Variants in NAV2 observed in about 807,000 individuals in gnomAD.
NAV2 encodes helicase, APC down-regulated 1.
A neutral mutation model predicts 223.2 loss-of-function variants in NAV2; 54 were observed. The observed-to-expected ratio is 0.24, with a 90% CI of 0.19 to 0.30. The LOEUF (loss-of-function observed/expected upper bound fraction) is 0.30, where lower values mean the gene tolerates loss of function less well. Among genes scored for constraint, NAV2 ranks in the 10% least tolerant of loss-of-function variants. The pLI is 1.00. For missense variants in NAV2, 2,806 were observed against 3,147.5 expected, an observed-to-expected ratio of 0.89 and a Z score of 2.60; for synonymous variants, 1,279 against 1,239.3, an observed-to-expected ratio of 1.03 and a Z score of -0.67.
chr11:19,535,832 G>A (rs1204308475), intron 1 of NAV2, among the ~76,000 whole-genome samples: 1 of 152,144 alleles, frequency 6.6e-6, no homozygotes, highest in Non-Finnish European at 1.5e-5. Context: ...CCCCAGGAAA[G>A]CACACAATAA....
chr11:19,560,628 G>A (rs1365698421), intron 1 of NAV2, among the ~76,000 whole-genome samples: 2 of 152,190 alleles, frequency 1.3e-5, no homozygotes, highest in Non-Finnish European at 2.9e-5. Context: ...CTAAAGCACT[G>A]TACAAATATG....
rs1203399813 is a variant in NAV2, at chr11:19,948,738, G to A, written c.2303G>A (p.Gly768Asp). The change falls in exon 10 of 38, where the codon GGC (glycine) becomes GAC (aspartate). Residue 768 changes from glycine (G) to aspartate (D), a missense_variant. This residue lies in a region of NAV2 where 1,167 missense variants were observed against 1,180.5 expected (regional missense o/e 0.99). Transcript: ENST00000349880. Reference protein sequence around the residue: ...FDTNVTTEMSGRSILSLTGRP... With the variant: ...FDTNVTTEMSDRSILSLTGRP... ...ACCAATGTCACCACGGAGATGAGTG[G>A]CCGTAGCATACTCAGCTTGACAGGG... 1.2e-6 allele frequency: 2 copies of A among 1,604,782 alleles called. No homozygotes were observed. Among genetic ancestry groups the A allele is most frequent in the Admixed American group, 1.7e-5 (1 of 59,598 alleles).
At position 20,044,981 on chromosome 11, in the gene NAV2, C is replaced by T. The variant is rs766543776; in HGVS notation, c.3213C>T (p.Asp1071=). The change falls in exon 14 of 38, where the codon GAC becomes GAT. Residue 1071 remains aspartate (D), a synonymous_variant. Coordinates refer to ENST00000349880, the MANE Select transcript of NAV2 (RefSeq NM_145117.5). The part of the protein sequence containing the change: ...LKTPGTGKTD[D]AKVSEKGRLS... ...TCTCTCTCTTAGGAAAAACAGACGA[C>T]GCAAAGGTGTCTGAGAAAGGAAGGC... 3.9e-5 allele frequency: 63 copies of T among 1,611,006 alleles called. No individual in the cohort carries two copies. The highest frequency in any genetic ancestry group is 2.4e-4 in the Admixed American group (14 of 59,400).
chr11:19,886,727 A>T (rs2041018339), intron 5 of NAV2, among the ~76,000 whole-genome samples: 1 of 152,210 alleles, frequency 6.6e-6, no homozygotes, highest in South Asian at 2.1e-4. Context: ...ATGATTTGTT[A>T]TCAGTCCCAG....
intron 29 of NAV2, 102 bp from the exon 30 acceptor site, chr11:20,095,570 C>A: frequency 1.3e-6 from 1 of 784,428 alleles, no homozygotes. Context: ...TTATTCCCCT[C>A]TCAAACCATT....
intron 11 of NAV2, among the ~76,000 whole-genome samples, chr11:20,015,576 G>C (rs2053933289): frequency 6.6e-6 from 1 of 152,058 alleles, no homozygotes; most frequent in Non-Finnish European, 1.5e-5. Flanking sequence ...ATGGATTGCG[G>C]TTAAATGTAT....
chr11:19,392,382 G>GTT (rs1849283727), intron 1 of NAV2, among the ~76,000 whole-genome samples: 2 of 23,538 alleles, frequency 8.5e-5, no homozygotes, highest in Non-Finnish European at 4.7e-4. Context: ...TCAGCAGGGT[G>GTT]ATTTTTTTTT....
Position 19,956,394 on chromosome 11 carries a change from ACG to A in NAV2, c.2645+7316_2645+7317del, listed in dbSNP as rs1555168299. ...CACACACACACACACACACACACAC[ACG>A]CTCTCTCTCTCTCTCTCTATCTCTC... is the stretch of plus-strand genomic sequence containing the variant. On this transcript the variant is annotated intron_variant, in intron 10 of 37. Transcript: ENST00000349880. 2.1e-3 allele frequency among the ~76,000 whole-genome samples: 316 copies of A among 147,556 alleles called. 1 individual carries two copies. Among genetic ancestry groups the A allele is most frequent in the South Asian group, 0.014 (63 of 4,624 alleles).
At chr11:19,528,327 C>T (rs956760790) in intron 1 of NAV2, among the ~76,000 whole-genome samples, 7 of 152,128 alleles carry the variant, frequency 4.6e-5, no homozygotes, top group African/African-American at 1.4e-4. Context: ...CTTTGCCTTC[C>T]CTCATCCCCA....
chr11:19,345,795 G>A (rs1303819940), upstream of NAV2, among the ~76,000 whole-genome samples: 2 of 152,214 alleles, frequency 1.3e-5, no homozygotes, highest in African/African-American at 2.4e-5. This position sits in a 1 kb window ranked among gnomAD's most constrained non-coding sequence, Gnocchi z 5.2. Context: ...CCCTCTGGGC[G>A]TACGTGCCTG....
intron 1 of NAV2, among the ~76,000 whole-genome samples, chr11:19,695,835 C>T (rs902712153): frequency 1.3e-5 from 2 of 151,346 alleles, no homozygotes; most frequent in Admixed American, 6.6e-5. Context: ...ACTCGGGAGA[C>T]GGAGGTTGCA....
At chr11:19,622,269 G>A (rs1436219903) in intron 1 of NAV2, among the ~76,000 whole-genome samples, 3 of 152,158 alleles carry the variant, frequency 2.0e-5, no homozygotes, top group African/African-American at 7.2e-5. Context: ...ATGTCTATTA[G>A]GTCTGCTTGG....
intron 1 of NAV2, among the ~76,000 whole-genome samples, chr11:19,785,172 G>A (rs1263756973): frequency 6.6e-6 from 1 of 152,176 alleles, no homozygotes; most frequent in Non-Finnish European, 1.5e-5. Context: ...AAGAATCTTG[G>A]GATGTTAGTT....
chr11:19,394,139 T>C (rs892622669), intron 1 of NAV2, among the ~76,000 whole-genome samples: 41 of 152,190 alleles, frequency 2.7e-4, no homozygotes, highest in Non-Finnish European at 5.7e-4. Context: ...TTCATTCCCA[T>C]GGATTGCATC....
At chr11:19,783,647 C>A (rs1284306519) in intron 1 of NAV2, among the ~76,000 whole-genome samples, 1 of 152,192 alleles carries the variant, frequency 6.6e-6, no homozygotes, top group East Asian at 1.9e-4. Flanking sequence ...GTCAAACCCC[C>A]CTTCCCTCCT....
intron 1 of NAV2, among the ~76,000 whole-genome samples, chr11:19,672,445 A>G (rs1246322821): frequency 6.6e-6 from 1 of 152,210 alleles, no homozygotes; most frequent in Non-Finnish European, 1.5e-5. Flanking sequence ...CTCTGCCACC[A>G]ACTGACCTTG....
intron 1 of NAV2, among the ~76,000 whole-genome samples, chr11:19,739,674 T>C (rs977989402): frequency 2.0e-5 from 3 of 152,208 alleles, no homozygotes; most frequent in Non-Finnish European, 2.9e-5. Flanking sequence ...ATATGTCTTA[T>C]ACCTGGTCAG....
chr11:20,023,207 G>A (rs1332204611), intron 11 of NAV2: 5 of 1,259,064 alleles, frequency 4.0e-6, no homozygotes, highest in Non-Finnish European at 5.4e-6. Flanking sequence ...TCCTTGGCCG[G>A]TATTGAAAAG....
At chr11:20,099,844 A>G (rs1383098046) in intron 31 of NAV2, among the ~76,000 whole-genome samples, 1 of 151,944 alleles carries the variant, frequency 6.6e-6, no homozygotes, top group Non-Finnish European at 1.5e-5. Flanking sequence ...TGTGTTTATT[A>G]TTATTATTAA....
Sources: allele counts gnomAD v4.1 joint callset (sites outside exome capture counted in the v4.1 genomes callset), GRCh38; gene constraint gnomAD v4.1.1; regional missense constraint gnomAD v4.1.1; non-coding constraint Gnocchi (gnomAD v3.1); transcripts MANE v1.5; gene names NCBI Gene and HGNC (gene_info 2026-07-23, HGNC 2026-07-21).